Variants in RPUSD4 observed in about 807,000 individuals in gnomAD.
RPUSD4 encodes pseudouridylate synthase RPUSD4, mitochondrial.
In RPUSD4, 37 loss-of-function variants were observed where a neutral mutation model predicts 35.4. That is an observed-to-expected ratio of 1.04 (90% CI 0.80 to 1.37). RPUSD4 has a LOEUF of 1.37. Among genes scored for constraint, RPUSD4 ranks in the 40% most tolerant of loss-of-function variants. The pLI is 0.00. For missense variants in RPUSD4, 507 were observed against 484.9 expected, an observed-to-expected ratio of 1.05 and a Z score of -0.43; for synonymous variants, 210 against 192.7, an observed-to-expected ratio of 1.09 and a Z score of -0.74.
At chr11:126,205,092 G>T (rs1250946981) in intron 5 of RPUSD4, among the ~76,000 whole-genome samples, 6 of 152,210 alleles carry the variant, frequency 3.9e-5, no homozygotes, top group Middle Eastern at 3.4e-3. Flanking sequence ...GCTACATTTT[G>T]TTTCTCCATT....
At chr11:126,205,861 G>T in intron 3 of RPUSD4, 80 bp from the exon 4 acceptor site, 1 of 1,054,788 alleles carries the variant, frequency 9.5e-7, no homozygotes, top group Non-Finnish European at 1.4e-6. Flanking sequence ...AGGATTTCAC[G>T]CTGGACCTTC....
intron 6 of RPUSD4, among the ~76,000 whole-genome samples, chr11:126,204,015 A>G (rs745438523): frequency 1.3e-5 from 2 of 152,152 alleles, no homozygotes; most frequent in Non-Finnish European, 2.9e-5. Context: ...ATCTGAATAA[A>G]CAAATGTAAC....
chr11:126,211,479 T>C lies in RPUSD4; in HGVS notation c.160A>G (p.Lys54Glu). 1 of 1,614,016 alleles carries C rather than the reference T, an allele frequency of 6.2e-7. No homozygotes were observed. The highest frequency in any genetic ancestry group is 1.1e-5 in the South Asian group (1 of 91,088). ...TCCTTCTTTGTGTCTTGTTCCCGTT[T>C]CTGGGCTCGGAGCTTCTCCGCTAAT... ...QRLAEKLRAQ[K>E]REQDTKKEPV... Residue 54 changes from lysine (K) to glutamate (E), a missense_variant, in exon 1 of 7, where the codon AAA becomes GAA. By Grantham distance (56) the Lys-to-Glu change is moderately conservative (BLOSUM62 1). Transcript: ENST00000298317.
chr11:126,205,685 C>T lies in RPUSD4; in HGVS notation c.651+3G>A. On this transcript the variant is annotated splice_donor_region_variant and intron_variant, in intron 4 of 6. Coordinates refer to ENST00000298317, the MANE Select transcript of RPUSD4 (RefSeq NM_032795.3). ...CCATGCCTCAGGGAGGCTGCTCGCT[C>T]ACCTTGTGGTGTTGCTGCTGGCCTT... The T allele has an allele frequency of 6.2e-7, 1 of 1,612,946 alleles. No homozygotes were observed. The highest frequency in any genetic ancestry group is 1.7e-5 in the Admixed American group (1 of 59,996).
chr11:126,209,488 T>C (rs1399806846), intron 3 of RPUSD4, 33 bp downstream of exon 3: 5 of 1,576,290 alleles, frequency 3.2e-6, no homozygotes, highest in African/African-American at 2.7e-5. Flanking sequence ...CCTCCACTTA[T>C]ACCACCTCTA....
chr11:126,204,338 G>C lies in RPUSD4; in HGVS notation c.797-10C>G, dbSNP rs199699882. The C allele has an allele frequency of 1.9e-6, 3 of 1,586,858 alleles. No homozygotes were observed. The highest frequency in any genetic ancestry group is 4.5e-5 in the East Asian group (2 of 44,462). On this transcript the variant is annotated splice_polypyrimidine_tract_variant and intron_variant, in intron 5 of 6. Coordinates refer to ENST00000298317, the MANE Select transcript of RPUSD4 (RefSeq NM_032795.3). ...AGCTGATGTTTTATTCCTTAAAAGA[G>C]AGAGAGAGAGAAAGAGAGAAAACTC...
At chr11:126,210,719 A>C (rs936962244) in intron 2 of RPUSD4, among the ~76,000 whole-genome samples, 171 bp downstream of exon 2, 2 of 115,212 alleles carry the variant, frequency 1.7e-5, no homozygotes, top group South Asian at 2.9e-4. Context: ...GGACTGTCTT[A>C]TTTATTTATT....
At position 126,205,687 on chromosome 11, in the gene RPUSD4, C is replaced by G; in HGVS notation, c.651+1G>C. 6.2e-7 allele frequency: 1 copy of G among 1,613,326 alleles called. No homozygotes were observed. Among genetic ancestry groups the G allele is most frequent in the African/African-American group, 1.3e-5 (1 of 75,058 alleles). On this transcript the variant is annotated splice_donor_variant, in intron 4 of 6. Transcript: ENST00000298317. LOFTEE classifies it high-confidence loss of function. ...ATGCCTCAGGGAGGCTGCTCGCTCACCTTGTGGTGTTGCTGCTGGCCTTGC... is the reference window on the plus strand; with the variant it reads ...ATGCCTCAGGGAGGCTGCTCGCTCAGCTTGTGGTGTTGCTGCTGGCCTTGC...
chr11:126,207,616 T>C (rs1442117358), intron 3 of RPUSD4, among the ~76,000 whole-genome samples: 1 of 152,208 alleles, frequency 6.6e-6, no homozygotes. Context: ...TCCTAGCACT[T>C]TGATGGACAG....
rs1949720382 is a variant in RPUSD4 at position 126,202,257 on chromosome 11, G to C, written c.*1161C>G. On this transcript the variant is annotated 3_prime_UTR_variant, in exon 7 of 7. Coordinates refer to ENST00000298317, the MANE Select transcript of RPUSD4 (RefSeq NM_032795.3). Reference sequence around the variant, plus strand: ...ACTCCAACTCTGTCAGAAAGAAAAAGTAGTGTGAGGTGTATTTGTTTGCAA... The same window carrying C: ...ACTCCAACTCTGTCAGAAAGAAAAACTAGTGTGAGGTGTATTTGTTTGCAA... 1.3e-5 allele frequency: 2 copies of C among 152,260 alleles called. No homozygotes were observed. The highest frequency in any genetic ancestry group is 2.9e-5 in the Non-Finnish European group (2 of 68,072). 9.4% of individuals were successfully genotyped at this position (152,260 alleles called of 1,614,324 possible). A position where few individuals can be genotyped will look rare whatever the true frequency, so the allele number is the denominator to read the frequency against.
At chr11:126,205,809 G>A (rs1007621287) in intron 3 of RPUSD4, 28 bp from the exon 4 acceptor site, 16 of 1,527,396 alleles carry the variant, frequency 1.0e-5, no homozygotes, top group Non-Finnish European at 1.3e-5. Context: ...CACTGCTTTA[G>A]CCAACCAAGC....
rs1366193895 is a variant in RPUSD4, at chr11:126,209,650, G to A, written c.428C>T (p.Ala143Val). 6.2e-6 allele frequency: 10 copies of A among 1,614,222 alleles called. No individual in the cohort carries two copies. The highest frequency in any genetic ancestry group is 7.6e-6 in the Non-Finnish European group (9 of 1,180,042). The change falls in exon 3 of 7, where the codon GCA becomes GTA. Residue 143 changes from alanine (A) to valine (V), a missense_variant. Ala to Val is a moderately conservative substitution (Grantham distance 64). Coordinates refer to ENST00000298317, the MANE Select transcript of RPUSD4 (RefSeq NM_032795.3). ...CCGGTGGCACAGATGCAAGGGCTCT[G>A]CCTTGTGGCCATGAAGCATCTTTGC... The part of the protein sequence containing the change: ...ILAKMLHGHK[A>V]EPLHLCHRLD...
At chr11:126,208,300 C>T (rs1175379352) in intron 3 of RPUSD4, among the ~76,000 whole-genome samples, 1 of 152,174 alleles carries the variant, frequency 6.6e-6, no homozygotes, top group East Asian at 1.9e-4. Context: ...CGGTATTTCA[C>T]AGAGCAATTA....
At chr11:126,205,390 C>G in intron 5 of RPUSD4, 78 bp downstream of exon 5, 1 of 1,563,022 alleles carries the variant, frequency 6.4e-7, no homozygotes, top group Non-Finnish European at 8.8e-7. Flanking sequence ...ACACTACTAG[C>G]TGCTCAGAAC....
intron 3 of RPUSD4, chr11:126,208,751 T>C (rs920801834): frequency 3.3e-5 from 5 of 152,368 alleles, no homozygotes; most frequent in African/African-American, 7.2e-5. Flanking sequence ...ATTCTGCGTA[T>C]GCCGGACACG....
rs756347968 is a variant in RPUSD4, at chr11:126,204,300, C to A, written c.825G>T (p.Leu275Phe). The change falls in exon 6 of 7, where the codon TTG (leucine) becomes TTT (phenylalanine). Residue 275 changes from leucine to phenylalanine, a missense_variant. Leu to Phe is a conservative substitution (Grantham distance 22). Transcript: ENST00000298317. ...TGIKHQLRVH[L>F]SFGLDCPILG... ...GGATTGGACAATCCAATCCAAAAGACAAGTGAACTCGAAGCTGATGTTTTA... is the reference window on the plus strand; with the variant it reads ...GGATTGGACAATCCAATCCAAAAGAAAAGTGAACTCGAAGCTGATGTTTTA... The A allele has an allele frequency of 6.2e-7, 1 of 1,612,850 alleles. No individual in the cohort carries two copies. Among genetic ancestry groups the A allele is most frequent in the African/African-American group, 1.3e-5 (1 of 74,840 alleles).
chr11:126,205,822 GAGA>G, intron 3 of RPUSD4, 41 bp from the exon 4 acceptor site: 1 of 1,487,222 alleles, frequency 6.7e-7, no homozygotes, highest in Non-Finnish European at 9.1e-7. Flanking sequence ...AACCAAGCCA[GAGA>G]AGAACTCCTA....
intron 3 of RPUSD4, 95 bp downstream of exon 3, chr11:126,209,426 C>G (rs1056298044): frequency 9.5e-7 from 1 of 1,051,216 alleles, no homozygotes; most frequent in Non-Finnish European, 1.4e-6. Flanking sequence ...AGTGCAGTGC[C>G]TTCTATTAAT....
At chr11:126,204,120 A>G in intron 6 of RPUSD4, 111 bp downstream of exon 6, 8 of 796,102 alleles carry the variant, frequency 1.0e-5, no homozygotes, top group Non-Finnish European at 1.7e-5. Flanking sequence ...GCTTGGTATC[A>G]TGTCTGAAGA....
Sources: allele counts gnomAD v4.1 joint callset (sites outside exome capture counted in the v4.1 genomes callset), GRCh38; gene constraint gnomAD v4.1.1; transcripts MANE v1.5; gene names NCBI Gene and HGNC (gene_info 2026-07-23, HGNC 2026-07-21).